Variants in CCDC32 observed in about 807,000 individuals in gnomAD.
CCDC32 encodes the protein coiled-coil domain-containing protein 32.
A neutral mutation model predicts 20.1 loss-of-function variants in CCDC32; 9 were observed. The ratio of observed to expected loss-of-function variants is 0.45; its 90% CI spans 0.27 to 0.78. The LOEUF (loss-of-function observed/expected upper bound fraction) is 0.78, where lower values mean the gene tolerates loss of function less well. Among genes scored for constraint, CCDC32 ranks in the 30% least tolerant of loss-of-function variants. The pLI is 0.16. For synonymous variants in CCDC32, 63 were observed against 79.0 expected (o/e 0.80, Z 1.07); for missense variants, 204 against 215.5 (o/e 0.95, Z 0.33).
chr15:40,540,382 T>C lies in CCDC32; in HGVS notation c.402-1027A>G, dbSNP rs1889339138. On this transcript the variant is annotated intron_variant, in intron 3 of 3. Transcript: ENST00000558113. ...TCTTTTTCTTTTTCTTTTTTTTTTTTTTTGAGGTGGCGTCTCGCTCTGTTG... is the reference window on the plus strand; with the variant it reads ...TCTTTTTCTTTTTCTTTTTTTTTTTCTTTGAGGTGGCGTCTCGCTCTGTTG... Among the ~76,000 whole-genome samples the C allele has an allele frequency of 2.0e-5, 3 of 146,964 alleles. 1 individual carries two copies. The South Asian group carries it at 6.4e-4, about 32-fold the overall frequency.
rs772925447 is a variant in CCDC32, at chr15:40,562,851, C to T, written c.165G>A (p.Glu55=). The T allele has an allele frequency of 1.2e-6, 2 of 1,614,122 alleles. No homozygotes were observed. The highest frequency in any genetic ancestry group is 2.2e-5 in the East Asian group (1 of 44,898). Residue 55 remains glutamate (E), a synonymous_variant, in exon 2 of 4, where the codon GAG becomes GAA. Transcript: ENST00000416810. ...CTGGCTGGACAGCAAAGTCAGCCAC[C>T]TCCCTCTGGCCTTCACCTTCAGGGC... The part of the protein sequence containing the change: ...DSCPEGEGQR[E]VADFAVQPAV...
intron 3 of CCDC32, among the ~76,000 whole-genome samples, chr15:40,554,339 C>T (rs1890092734): frequency 6.6e-6 from 1 of 152,176 alleles, no homozygotes; most frequent in African/African-American, 2.4e-5. Flanking sequence ...ATAGTGGGCA[C>T]TTTGACTACA....
At chr15:40,545,549 A>G (rs1889584052) in intron 3 of CCDC32, among the ~76,000 whole-genome samples, 1 of 152,234 alleles carries the variant, frequency 6.6e-6, no homozygotes, top group Non-Finnish European at 1.5e-5. Context: ...TCTCTCTGCC[A>G]CACATTGACT....
At chr15:40,529,248 C>G (rs1888808506) in intron 3 of CCDC32, among the ~76,000 whole-genome samples, 1 of 152,180 alleles carries the variant, frequency 6.6e-6, no homozygotes, top group Admixed American at 6.5e-5. Flanking sequence ...TTTCAGATGA[C>G]AGAGGTCCGA....
chr15:40,534,775 C>G, downstream of CCDC32: 2 of 653,662 alleles, frequency 3.1e-6, no homozygotes, highest in Admixed American at 2.2e-5. Flanking sequence ...CTCTCATGAC[C>G]TAATTACCTC....
intron 2 of CCDC32, among the ~76,000 whole-genome samples, chr15:40,559,493 A>G (rs1292851133): frequency 6.6e-6 from 1 of 152,138 alleles, no homozygotes; most frequent in Non-Finnish European, 1.5e-5. Flanking sequence ...TCATCATTAA[A>G]CAGATGCTTT....
downstream of CCDC32, among the ~76,000 whole-genome samples, chr15:40,548,584 C>T (rs867621727): frequency 1.3e-5 from 2 of 152,138 alleles, no homozygotes; most frequent in South Asian, 4.1e-4. Flanking sequence ...CCTGGGACAG[C>T]TTAAAAACTG....
At chr15:40,548,667 T>A (rs1380415113), downstream of CCDC32, among the ~76,000 whole-genome samples, 2 of 152,016 alleles carry the variant, frequency 1.3e-5, no homozygotes, top group East Asian at 3.9e-4. Context: ...CAGCTGGGAC[T>A]CCCTGGGCTT....
intron 2 of CCDC32, 108 bp from the exon 3 acceptor site, chr15:40,557,480 T>G (rs1007619375): frequency 1.7e-6 from 2 of 1,169,162 alleles, no homozygotes; most frequent in African/African-American, 3.1e-5. Flanking sequence ...GATGAGGACA[T>G]CCACACTCCC....
At chr15:40,564,656 T>C in intron 1 of CCDC32, 1 of 1,494,366 alleles carries the variant, frequency 6.7e-7, no homozygotes, top group Non-Finnish European at 9.3e-7. Flanking sequence ...AGGCCGGAAG[T>C]AAAAGGGACA....
At chr15:40,546,829 G>A (rs1889639955) in intron 3 of CCDC32, among the ~76,000 whole-genome samples, 1 of 151,934 alleles carries the variant, frequency 6.6e-6, no homozygotes, top group Non-Finnish European at 1.5e-5. Flanking sequence ...AGCCTGTGGA[G>A]TAGCTGGGAC....
downstream of CCDC32, chr15:40,534,296 TTAA>T (rs1889016632): frequency 6.5e-6 from 1 of 152,712 alleles, no homozygotes; most frequent in South Asian, 2.1e-4. Flanking sequence ...TCCAGCTGTA[TTAA>T]TCCATTCTCA....
Position 40,564,727 on chromosome 15 carries a change from A to G in CCDC32, c.-13+249T>C, listed in dbSNP as rs1890902299. On this transcript the variant is annotated intron_variant, in intron 1 of 3. Coordinates refer to ENST00000416810, the MANE Select transcript of CCDC32 (RefSeq NM_001080792.4). ...AGCGCTACAGTGAACCCCCAACCCGAATTCGTCTAAAGCCACCCAAAACCA... is the reference window on the plus strand; with the variant it reads ...AGCGCTACAGTGAACCCCCAACCCGGATTCGTCTAAAGCCACCCAAAACCA... 6 of 1,614,112 alleles carry G rather than the reference A, an allele frequency of 3.7e-6. No homozygotes were observed. In the East Asian group the frequency reaches 1.3e-4, roughly 36 times the overall value.
Position 40,553,101 on chromosome 15 carries a change from C to G in CCDC32, c.*870G>C. 1 of 984,956 alleles carries G rather than the reference C, an allele frequency of 1.0e-6. No individual in the cohort carries two copies. Among genetic ancestry groups the G allele is most frequent in the Non-Finnish European group, 1.2e-6 (1 of 829,522 alleles). 61.0% of individuals were successfully genotyped at this position (984,956 alleles called of 1,614,324 possible). A position where few individuals can be genotyped will look rare whatever the true frequency, so the allele number is the denominator to read the frequency against. ...CAACAGCACCACAGACACTGCTATTCCGTTGAGAAAAGTTTTATATGGAAA... is the reference window on the plus strand; with the variant it reads ...CAACAGCACCACAGACACTGCTATTGCGTTGAGAAAAGTTTTATATGGAAA... On this transcript the variant is annotated 3_prime_UTR_variant, in exon 4 of 4. Transcript: ENST00000416810.
At chr15:40,525,521 G>C (rs1894890462), downstream of CCDC32, among the ~76,000 whole-genome samples, 1 of 152,108 alleles carries the variant, frequency 6.6e-6, no homozygotes, top group South Asian at 2.1e-4. Flanking sequence ...TTCTGAAAAA[G>C]TCCTTCTAAA....
downstream of CCDC32, among the ~76,000 whole-genome samples, chr15:40,552,501 A>G (rs1395461386): frequency 7.1e-6 from 1 of 141,532 alleles, no homozygotes; most frequent in Non-Finnish European, 1.6e-5. Flanking sequence ...AAAAAAAAAA[A>G]AGAGGAAAGT....
In CCDC32 at chr15:40,553,315, T is replaced by TA; in HGVS notation, c.*655dup. On this transcript the variant is annotated 3_prime_UTR_variant, in exon 4 of 4. Coordinates refer to ENST00000416810, the MANE Select transcript of CCDC32 (RefSeq NM_001080792.4). The stretch of plus-strand genomic sequence containing the variant: ...GTTGGAGGAGAAGCCATGCATGAAG[T>TA]AAAAAATACATATACACAGACATAA... 2 of 985,308 alleles carry TA rather than the reference T, an allele frequency of 2.0e-6. No homozygotes were observed. The highest frequency in any genetic ancestry group is 1.2e-6 in the Non-Finnish European group (1 of 829,900). The allele number at this position is 985,308 out of a possible 1,614,324, so 61.0% of individuals were successfully genotyped here.
At chr15:40,541,335 T>A (rs1413154811) in intron 3 of CCDC32, among the ~76,000 whole-genome samples, 7 of 3,928 alleles carry the variant, frequency 1.8e-3, no homozygotes, top group Admixed American at 7.7e-3. Context: ...GCTGTAATAT[T>A]TTTTTTTTTT....
At chr15:40,557,443 A>G (rs903098311) in intron 2 of CCDC32, 71 bp from the exon 3 acceptor site, 7 of 1,482,782 alleles carry the variant, frequency 4.7e-6, no homozygotes, top group Non-Finnish European at 6.3e-6. Flanking sequence ...CTAAAACTCA[A>G]AATACTAACT....
Sources: gnomAD v4.1 joint callset for allele counts (sites outside exome capture counted in the v4.1 genomes callset) on GRCh38, gnomAD v4.1.1 for gene constraint, MANE v1.5 for transcripts, NCBI Gene and HGNC (gene_info 2026-07-23, HGNC 2026-07-21) for gene names.